The following VMP1 variants were observed in gnomAD, a reference collection of about 807,000 sequenced individuals.
VMP1 encodes the protein ectopic P-granules autophagy protein 3 homolog.
VMP1 carries 11 observed loss-of-function variants against 56.0 expected under a neutral mutation model. That is an observed-to-expected ratio of 0.20 (90% CI 0.12 to 0.32). The LOEUF is 0.32. VMP1 is among the 10% of genes least tolerant of loss of function. The pLI, the probability that VMP1 is intolerant of heterozygous loss-of-function variation, is 1.00. For synonymous variants in VMP1, 149 were observed against 165.0 expected (o/e 0.90, Z 0.74); for missense variants, 296 against 490.3 (o/e 0.60, Z 3.74).
chr17:59,805,526 T>G (rs1171674142), intron 7 of VMP1, among the ~76,000 whole-genome samples: 1 of 152,120 alleles, frequency 6.6e-6, no homozygotes, highest in Non-Finnish European at 1.5e-5. Context: ...TGTATGTGTA[T>G]ATGTGATTCT....
At chr17:59,808,027 A>G (rs2037911639) in intron 7 of VMP1, among the ~76,000 whole-genome samples, 1 of 152,192 alleles carries the variant, frequency 6.6e-6, no homozygotes, top group African/African-American at 2.4e-5. Context: ...GAAAATAATT[A>G]AAGTCAAATA....
At chr17:59,799,738 G>A (rs1240040483) in intron 7 of VMP1, among the ~76,000 whole-genome samples, 1 of 152,148 alleles carries the variant, frequency 6.6e-6, no homozygotes, top group African/African-American at 2.4e-5. Context: ...CAAGGCGGGA[G>A]GATCACCTGA....
At chr17:59,785,906 T>C (rs1480718324) in intron 7 of VMP1, among the ~76,000 whole-genome samples, 2 of 152,136 alleles carry the variant, frequency 1.3e-5, no homozygotes, top group African/African-American at 4.8e-5. Context: ...ATGTAATTAA[T>C]AATCAATAAT....
At chr17:59,741,816 A>C (rs1295083045) in intron 5 of VMP1, among the ~76,000 whole-genome samples, 1 of 152,212 alleles carries the variant, frequency 6.6e-6, no homozygotes, top group Non-Finnish European at 1.5e-5. Context: ...TATTAACTAT[A>C]GTCCTCATAG....
At chr17:59,720,038 TCATTCTTACAAA>T (rs1167617738) in intron 1 of VMP1, among the ~76,000 whole-genome samples, 3 of 152,182 alleles carry the variant, frequency 2.0e-5, no homozygotes, top group Non-Finnish European at 2.9e-5. Context: ...TTCAGCAACC[TCATTCTTACAAA>T]CAAAACTAAC....
chr17:59,802,199 CAAAAT>C (rs999671952), intron 7 of VMP1, among the ~76,000 whole-genome samples: 9 of 151,606 alleles, frequency 5.9e-5, no homozygotes, highest in African/African-American at 1.7e-4. Context: ...GACCCTGTCT[CAAAAT>C]AAAATAAATA....
chr17:59,767,870 A>G (rs1381703847), intron 6 of VMP1, among the ~76,000 whole-genome samples: 1 of 152,148 alleles, frequency 6.6e-6, no homozygotes, highest in Admixed American at 6.6e-5. Flanking sequence ...TCACTCCTAT[A>G]ATCCTAGCAC....
intron 7 of VMP1, among the ~76,000 whole-genome samples, chr17:59,798,609 G>T (rs138826218): frequency 6.6e-6 from 1 of 152,158 alleles, no homozygotes; most frequent in Non-Finnish European, 1.5e-5. Context: ...ATGTAAGGCC[G>T]GGCACGGTGG....
intron 7 of VMP1, among the ~76,000 whole-genome samples, chr17:59,802,961 G>A (rs1294667905): frequency 6.6e-6 from 1 of 152,088 alleles, no homozygotes; most frequent in Non-Finnish European, 1.5e-5. Context: ...GGTCAGCCTG[G>A]TCTGGAACTC....
Position 59,817,746 on chromosome 17 carries a change from T to C in VMP1, c.947T>C (p.Ile316Thr). 6.2e-7 allele frequency: 1 copy of C among 1,608,526 alleles called. No homozygotes were observed. Among genetic ancestry groups the C allele is most frequent in the Non-Finnish European group, 8.5e-7 (1 of 1,177,538 alleles). Residue 316 changes from isoleucine (I) to threonine (T), a missense_variant, in exon 10 of 12, where the codon ATA becomes ACA. Ile to Thr is a moderately conservative substitution (Grantham distance 89). Around this residue, in one of 4 missense-constraint regions of VMP1, gnomAD observed 95 missense variants for 137.6 expected, o/e 0.69. Coordinates refer to ENST00000262291, the MANE Select transcript of VMP1 (RefSeq NM_030938.5). The stretch of plus-strand genomic sequence containing the variant: ...GTTATAATAACATTCAGCAAGCACA[T>C]AGTGGAGCAAATGGTGGCTTTCATT... ...IFVIITFSKH[I>T]VEQMVAFIGA...
chr17:59,786,346 C>T (rs999713722), intron 7 of VMP1, among the ~76,000 whole-genome samples: 13 of 152,112 alleles, frequency 8.5e-5, no homozygotes, highest in African/African-American at 3.1e-4. Flanking sequence ...TCCACTAATG[C>T]TATTCTCTTT....
intron 10 of VMP1, among the ~76,000 whole-genome samples, chr17:59,822,326 C>CTTT (rs774358954): frequency 0.053 from 6,592 of 125,286 alleles, 414 homozygotes; most frequent in Non-Finnish European, 0.08. Context: ...GTAGGAAATA[C>CTTT]TTTTTTTTTT....
intron 1 of VMP1, among the ~76,000 whole-genome samples, chr17:59,710,205 A>G (rs558081051): frequency 6.6e-6 from 1 of 152,332 alleles, no homozygotes; most frequent in African/African-American, 2.4e-5. Flanking sequence ...TCAAAAAAAA[A>G]AGAAACATTA....
At chr17:59,726,153 T>G (rs977508365) in intron 1 of VMP1, among the ~76,000 whole-genome samples, 1 of 152,188 alleles carries the variant, frequency 6.6e-6, no homozygotes, top group African/African-American at 2.4e-5. Context: ...TAAAATATCT[T>G]AAATATCCTT....
At chr17:59,751,958 G>GAGCCACCC (rs2035668998) in intron 5 of VMP1, among the ~76,000 whole-genome samples, 1 of 151,984 alleles carries the variant, frequency 6.6e-6, no homozygotes, top group Non-Finnish European at 1.5e-5. Context: ...GGGACTACAG[G>GAGCCACCC]TGTGCACCAC....
At chr17:59,730,740 TA>T (rs1324551765) in intron 1 of VMP1, among the ~76,000 whole-genome samples, 5 of 152,198 alleles carry the variant, frequency 3.3e-5, no homozygotes, top group Admixed American at 2.6e-4. Context: ...ATCTGGTTTT[TA>T]TATGTTGTAT....
rs373903826 is a variant in VMP1, at chr17:59,798,881, C to T, written c.715-9915C>T. 1.2e-4 allele frequency among the ~76,000 whole-genome samples: 19 copies of T among 152,158 alleles called. No homozygotes were observed. In the East Asian group the frequency reaches 2.3e-3, roughly 19 times the overall value. On this transcript the variant is annotated intron_variant, in intron 7 of 11. Transcript: ENST00000262291. ...AGCCTGAGCAACAAGAGCGAAACTC[C>T]GTCTCAAAAGAAAAAAATAAAAAGA...
intron 5 of VMP1, 89 bp downstream of exon 5, chr17:59,739,036 T>C (rs1372218428): frequency 9.7e-7 from 1 of 1,031,422 alleles, no homozygotes; most frequent in Non-Finnish European, 1.4e-6. Context: ...TTCTAAGATT[T>C]GTTTTAATTA....
chr17:59,823,754 A>C (rs141535093), intron 10 of VMP1, among the ~76,000 whole-genome samples: 2,430 of 152,084 alleles, frequency 0.016, 35 homozygotes, highest in Non-Finnish European at 0.021. Context: ...CTGCCTCAAA[A>C]AAAAAAAATC....
Sources: allele counts gnomAD v4.1 joint callset (sites outside exome capture counted in the v4.1 genomes callset), GRCh38; gene constraint gnomAD v4.1.1; regional missense constraint gnomAD v4.1.1; transcripts MANE v1.5; gene names NCBI Gene and HGNC (gene_info 2026-07-23, HGNC 2026-07-21).